The following LRRC37A2 variants were observed in gnomAD, a reference collection of about 807,000 sequenced individuals.
LRRC37A2 encodes leucine-rich repeat-containing protein 37A2.
Under a neutral mutation model 68.8 loss-of-function variants are expected in LRRC37A2, and 9 were observed. The observed-to-expected ratio is 0.13, with a 90% CI of 0.08 to 0.23. The LOEUF is 0.23. LRRC37A2 is among the 10% of genes least tolerant of loss of function. The pLI is 1.00. For synonymous variants in LRRC37A2, 63 were observed against 367.6 expected (o/e 0.17, Z 9.48); for missense variants, 168 against 950.4 (o/e 0.18, Z 10.82).
the LRRC37A2 span, among the ~76,000 whole-genome samples, chr17:46,844,558 C>T: frequency 4.6e-5 from 7 of 151,932 alleles, no homozygotes; most frequent in Admixed American, 2.6e-4. Flanking sequence ...TGGTGGTGGC[C>T]GATTTCTAAA....
At chr17:46,727,641 G>A in the LRRC37A2 span, among the ~76,000 whole-genome samples, 609 of 152,234 alleles carry the variant, frequency 4.0e-3, 1 homozygote, top group Non-Finnish European at 6.7e-3. Context: ...TTGATAGTGG[G>A]TTTTGGGTCT....
chr17:46,469,779 C>T, the LRRC37A2 span, among the ~76,000 whole-genome samples: 1 of 66,342 alleles, frequency 1.5e-5, no homozygotes, highest in Non-Finnish European at 3.7e-5. Flanking sequence ...TTCTTTTCTT[C>T]ACTGTCAGTC....
At chr17:46,869,667 T>C in the LRRC37A2 span, among the ~76,000 whole-genome samples, 1 of 152,068 alleles carries the variant, frequency 6.6e-6, no homozygotes, top group African/African-American at 2.4e-5. Context: ...AAACCAACTT[T>C]GAGCCTTCGC....
the LRRC37A2 span, among the ~76,000 whole-genome samples, chr17:46,834,530 G>A: frequency 3.9e-5 from 6 of 152,162 alleles, no homozygotes; most frequent in Admixed American, 3.3e-4. Flanking sequence ...AGCTCCTCTC[G>A]CTGGCTTGCC....
At chr17:46,904,091 G>A in the LRRC37A2 span, among the ~76,000 whole-genome samples, 21 of 151,668 alleles carry the variant, frequency 1.4e-4, no homozygotes, top group African/African-American at 5.1e-4. Flanking sequence ...GAATGTATGG[G>A]TGGCTAGATG....
At chr17:47,000,019 A>AAAT in the LRRC37A2 span, among the ~76,000 whole-genome samples, 4,757 of 20,212 alleles carry the variant, frequency 0.24, 439 homozygotes, top group East Asian at 0.32. Flanking sequence ...AAAATAAAAT[A>AAAT]AAATAAAATA....
chr17:46,879,275 G>A, the LRRC37A2 span, among the ~76,000 whole-genome samples: 4 of 152,162 alleles, frequency 2.6e-5, no homozygotes, highest in Non-Finnish European at 4.4e-5. Flanking sequence ...GCAGGAGGCC[G>A]GGTCGCTGGG....
chr17:47,009,768 G>A, the LRRC37A2 span, among the ~76,000 whole-genome samples: 6 of 152,246 alleles, frequency 3.9e-5, 1 homozygote, highest in Admixed American at 3.3e-4. Context: ...GAAGTCTGGA[G>A]GGCACGGGGC....
the LRRC37A2 span, among the ~76,000 whole-genome samples, chr17:46,840,152 T>C: frequency 2.6e-4 from 40 of 151,036 alleles, no homozygotes; most frequent in Admixed American, 7.3e-4. Flanking sequence ...AGTGGTGTGA[T>C]CTCGGCTCAC....
At chr17:46,753,379 A>T in the LRRC37A2 span, among the ~76,000 whole-genome samples, 16 of 152,312 alleles carry the variant, frequency 1.1e-4, no homozygotes, top group Admixed American at 6.5e-4. Context: ...TGAAAATAAA[A>T]TTTTTTTGAC....
chr17:46,828,127 C>G, the LRRC37A2 span, among the ~76,000 whole-genome samples: 1 of 152,068 alleles, frequency 6.6e-6, no homozygotes, highest in Non-Finnish European at 1.5e-5. Context: ...CGGGCCTGGC[C>G]AACAGAAATT....
chr17:46,599,079 C>T, the LRRC37A2 span, among the ~76,000 whole-genome samples: 1 of 53,112 alleles, frequency 1.9e-5, no homozygotes, highest in Admixed American at 2.4e-4. Flanking sequence ...CTCTTTTTTT[C>T]AAGTAGTTAA....
chr17:46,779,053 T>TCACTCA, the LRRC37A2 span, among the ~76,000 whole-genome samples: 10 of 100,668 alleles, frequency 9.9e-5, no homozygotes, highest in Admixed American at 7.1e-4. Context: ...CCCTACCCCA[T>TCACTCA]CACACACACA....
At chr17:46,787,774 C>T in the LRRC37A2 span, among the ~76,000 whole-genome samples, 62 of 152,202 alleles carry the variant, frequency 4.1e-4, no homozygotes, top group East Asian at 1.4e-3. Flanking sequence ...GCCAACATGG[C>T]GAAACGCCTG....
chr17:46,870,568 G>A, the LRRC37A2 span, among the ~76,000 whole-genome samples: 2 of 152,192 alleles, frequency 1.3e-5, no homozygotes, highest in Non-Finnish European at 2.9e-5. Context: ...CGGAGGTTTC[G>A]GAGATATGCT....
the LRRC37A2 span, among the ~76,000 whole-genome samples, chr17:46,948,153 T>G: frequency 6.6e-6 from 1 of 152,206 alleles, no homozygotes; most frequent in African/African-American, 2.4e-5. Context: ...CTCTGCCCTT[T>G]AGCTGTGGAA....
the LRRC37A2 span, among the ~76,000 whole-genome samples, chr17:46,814,175 A>C: frequency 1.3e-5 from 2 of 152,166 alleles, no homozygotes; most frequent in Non-Finnish European, 2.9e-5. Context: ...GACTCCACCC[A>C]TCTCTCACCT....
chr17:46,942,365 T>G, the LRRC37A2 span, among the ~76,000 whole-genome samples: 1 of 152,052 alleles, frequency 6.6e-6, no homozygotes. Flanking sequence ...CTCTCACTTA[T>G]GTTCTCCATC....
At chr17:46,955,690 C>T in the LRRC37A2 span, 2 of 152,284 alleles carry the variant, frequency 1.3e-5, no homozygotes, top group Non-Finnish European at 2.9e-5. Flanking sequence ...CACTCACCTC[C>T]TCCAGAAAGC....
Sources: gnomAD v4.1 joint callset for allele counts (sites outside exome capture counted in the v4.1 genomes callset) on GRCh38, gnomAD v4.1.1 for gene constraint, MANE v1.5 for transcripts, NCBI Gene and HGNC (gene_info 2026-07-23, HGNC 2026-07-21) for gene names.